Variants in SOX5 observed in about 807,000 individuals in gnomAD.
SOX5 encodes SRY-box transcription factor 5, also known as transcription factor SOX-5.
Under a neutral mutation model 92.0 loss-of-function variants are expected in SOX5, and 9 were observed. The ratio of observed to expected loss-of-function variants is 0.10; its 90% CI spans 0.06 to 0.17. The LOEUF is 0.17. SOX5 is among the 10% of genes least tolerant of loss of function. The probability of loss-of-function intolerance (pLI) is 1.00; values close to 1 mark genes in which losing one functional copy is unlikely to be tolerated. For missense variants in SOX5, 642 were observed against 944.5 expected, an observed-to-expected ratio of 0.68 and a Z score of 4.20; for synonymous variants, 344 against 336.3, an observed-to-expected ratio of 1.02 and a Z score of -0.25.
At chr12:24,062,845 T>C (rs958136033) in intron 4 of SOX5, among the ~76,000 whole-genome samples, 63 of 152,330 alleles carry the variant, frequency 4.1e-4, no homozygotes, top group African/African-American at 1.4e-3. Context: ...GTGTCTCATA[T>C]TCTTCGGCTA....
intron 6 of SOX5, among the ~76,000 whole-genome samples, chr12:23,713,904 C>T (rs994521953): frequency 2.0e-5 from 3 of 151,080 alleles, no homozygotes; most frequent in African/African-American, 4.9e-5. Context: ...CCAGCCTGGC[C>T]AACATGGCGA....
intron 3 of SOX5, among the ~76,000 whole-genome samples, chr12:23,797,576 G>A (rs1188508086): frequency 6.6e-6 from 1 of 151,972 alleles, no homozygotes; most frequent in Non-Finnish European, 1.5e-5. Context: ...CCCAGGAAAA[G>A]AGCTCCAGGA....
intron 2 of SOX5, among the ~76,000 whole-genome samples, chr12:24,280,318 G>A (rs188838461): frequency 6.6e-5 from 10 of 152,182 alleles, no homozygotes; most frequent in East Asian, 1.9e-4. Context: ...GTGAAATTGC[G>A]TTAAGAAACA....
intron 3 of SOX5, among the ~76,000 whole-genome samples, chr12:24,273,252 C>T (rs941282954): frequency 2.6e-5 from 4 of 151,940 alleles, no homozygotes; most frequent in Admixed American, 6.6e-5. Context: ...CAGTGAGACG[C>T]GGTCTCAAAA....
intron 4 of SOX5, among the ~76,000 whole-genome samples, chr12:24,026,259 T>C (rs1352529719): frequency 7.0e-6 from 1 of 142,464 alleles, no homozygotes; most frequent in South Asian, 2.1e-4. Flanking sequence ...GATGACAAAA[T>C]CTTAACATGG....
intron 2 of SOX5, among the ~76,000 whole-genome samples, chr12:23,847,803 A>G (rs1350278724): frequency 1.3e-5 from 2 of 152,192 alleles, no homozygotes; most frequent in Non-Finnish European, 2.9e-5. Flanking sequence ...TTATGGACAA[A>G]GTAGCTTATA....
intron 8 of SOX5, among the ~76,000 whole-genome samples, chr12:23,622,942 C>G (rs1362460002): frequency 6.6e-6 from 1 of 152,014 alleles, no homozygotes; most frequent in Non-Finnish European, 1.5e-5. Context: ...TGATACCTTT[C>G]CAGAAGACTT....
intron 1 of SOX5, among the ~76,000 whole-genome samples, chr12:24,466,797 A>G (rs1331668280): frequency 6.6e-6 from 1 of 152,218 alleles, no homozygotes; most frequent in Admixed American, 6.5e-5. Flanking sequence ...CAAATGTTTG[A>G]GAATGGACTC....
intron 3 of SOX5, among the ~76,000 whole-genome samples, chr12:23,795,285 T>G (rs2095543044): frequency 6.6e-6 from 1 of 151,670 alleles, no homozygotes; most frequent in Admixed American, 6.6e-5. Context: ...TTTTTTTTGA[T>G]GGATGGACTT....
chr12:24,439,605 CA>C lies in SOX5; in HGVS notation c.-250-70967del, dbSNP rs561141986. ...TTGAAGACCAAAATTGCATTAAAAA[CA>C]AAAATAGTCCGGGCGCAGTAGCTCA... is the stretch of plus-strand genomic sequence containing the variant. On this transcript the variant is annotated intron_variant, in intron 1 of 4. Coordinates refer to the SOX5 transcript ENST00000446891. 3.9e-5 allele frequency among the ~76,000 whole-genome samples: 6 copies of C among 152,166 alleles called. No homozygotes were observed. The South Asian group carries it at 1.2e-3, about 32-fold the overall frequency.
chr12:23,641,730 C>G (rs2080091961), intron 7 of SOX5, among the ~76,000 whole-genome samples: 1 of 151,968 alleles, frequency 6.6e-6, no homozygotes, highest in East Asian at 1.9e-4. Context: ...CAATAAATTG[C>G]TAAGAAATAT....
intron 4 of SOX5, among the ~76,000 whole-genome samples, chr12:24,147,722 T>C (rs1328725805): frequency 6.6e-6 from 1 of 152,170 alleles, no homozygotes; most frequent in African/African-American, 2.4e-5. Flanking sequence ...GGCTGCAGAA[T>C]GTAAGATCAA....
intron 7 of SOX5, among the ~76,000 whole-genome samples, chr12:23,642,623 G>C (rs948916520): frequency 6.6e-6 from 1 of 152,186 alleles, no homozygotes; most frequent in Non-Finnish European, 1.5e-5. Context: ...ATTGGGGAGG[G>C]AGTAAGATGC....
intron 4 of SOX5, among the ~76,000 whole-genome samples, chr12:24,208,629 A>G (rs948470010): frequency 1.3e-5 from 2 of 152,228 alleles, no homozygotes; most frequent in Non-Finnish European, 2.9e-5. Flanking sequence ...GTCACCTTGT[A>G]GATCTTTTGC....
chr12:23,615,740 T>G (rs988761255), intron 8 of SOX5, among the ~76,000 whole-genome samples: 8 of 152,198 alleles, frequency 5.3e-5, no homozygotes, highest in African/African-American at 1.9e-4. Flanking sequence ...TTTATCCAAT[T>G]TATATTTCTT....
At chr12:24,175,908 C>T (rs1954755818) in intron 4 of SOX5, among the ~76,000 whole-genome samples, 2 of 151,952 alleles carry the variant, frequency 1.3e-5, no homozygotes, top group South Asian at 2.1e-4. Context: ...ACAAAAGGGA[C>T]CCGAACAGCC....
At chr12:24,027,137 C>T (rs1289601066) in intron 4 of SOX5, among the ~76,000 whole-genome samples, 2 of 152,038 alleles carry the variant, frequency 1.3e-5, no homozygotes, top group African/African-American at 2.4e-5. Flanking sequence ...AATACTCCTA[C>T]TTCTTCAAAA....
rs115375028 is a variant in SOX5, at chr12:24,376,261, G to A, written c.-250-7622C>T. 5.2e-3 allele frequency among the ~76,000 whole-genome samples: 786 copies of A among 152,276 alleles called. 3 individuals are homozygous for A. Among genetic ancestry groups the A allele is most frequent in the African/African-American group, 0.018 (751 of 41,554 alleles). On this transcript the variant is annotated intron_variant, in intron 1 of 4. Transcript: ENST00000446891. ...AGGTACTTGTGGAGGTAGCAGTGTT[G>A]CATTGGAACCCGCAGCTGGAACCCA...
chr12:23,625,859 G>A (rs1302550612), intron 8 of SOX5, among the ~76,000 whole-genome samples: 2 of 152,006 alleles, frequency 1.3e-5, no homozygotes, highest in East Asian at 3.9e-4. Flanking sequence ...CGCCTGCCTC[G>A]GCCTCCCAAA....
Sources: gnomAD v4.1 joint callset for allele counts (sites outside exome capture counted in the v4.1 genomes callset) on GRCh38, gnomAD v4.1.1 for gene constraint, MANE v1.5 for transcripts, NCBI Gene and HGNC (gene_info 2026-07-23, HGNC 2026-07-21) for gene names.